Variants in ATP8A2 observed in about 807,000 individuals in gnomAD.
ATP8A2 encodes the protein ATPase phospholipid transporting 8A2, also known as phospholipid-transporting ATPase IB.
In ATP8A2, 100 loss-of-function variants were observed where a neutral mutation model predicts 165.6. That is an observed-to-expected ratio of 0.60 (90% CI 0.51 to 0.71). The LOEUF (loss-of-function observed/expected upper bound fraction) is 0.71. ATP8A2 is among the 30% of genes least tolerant of loss of function. The pLI, the probability that ATP8A2 is intolerant of heterozygous loss-of-function variation, is 0.00. For synonymous variants in ATP8A2, 543 were observed against 548.8 expected (o/e 0.99, Z 0.15); for missense variants, 1,227 against 1,479.5 (o/e 0.83, Z 2.80).
At chr13:25,521,035 CCTGT>C (rs949921314) in intron 2 of ATP8A2, among the ~76,000 whole-genome samples, 1 of 152,106 alleles carries the variant, frequency 6.6e-6, no homozygotes, top group African/African-American at 2.4e-5. Flanking sequence ...TTCAATCTTC[CCTGT>C]CTTTTTTATA....
At chr13:25,616,076 C>T (rs2040815472) in intron 24 of ATP8A2, among the ~76,000 whole-genome samples, 1 of 152,090 alleles carries the variant, frequency 6.6e-6, no homozygotes, top group African/African-American at 2.4e-5. Flanking sequence ...GTGATTTTCT[C>T]CTATACCCCA....
intron 33 of ATP8A2, among the ~76,000 whole-genome samples, chr13:25,900,857 T>C (rs912341860): frequency 2.1e-4 from 32 of 152,220 alleles, no homozygotes; most frequent in Admixed American, 2.1e-3. Context: ...GAAGAGGGGC[T>C]TGTGGAGAAA....
At chr13:25,463,054 C>T (rs1037092539) in intron 1 of ATP8A2, among the ~76,000 whole-genome samples, 2 of 146,828 alleles carry the variant, frequency 1.4e-5, no homozygotes, top group Non-Finnish European at 3.0e-5. Flanking sequence ...GTGTGACTGG[C>T]GTTGGGAGGA....
At chr13:25,870,874 C>T (rs1443973691) in intron 33 of ATP8A2, among the ~76,000 whole-genome samples, 1 of 152,174 alleles carries the variant, frequency 6.6e-6, no homozygotes, top group Non-Finnish European at 1.5e-5. Context: ...AATAAGCAGA[C>T]TTTGTGTTTG....
chr13:25,553,857 T>G lies in ATP8A2; in HGVS notation c.1122T>G (p.Ile374Met), dbSNP rs372413444. Residue 374 changes from isoleucine to methionine, a missense_variant, in exon 12 of 37, where the codon ATT becomes ATG. Ile to Met is a conservative substitution (Grantham distance 10). This residue lies in a region of ATP8A2 where 592 missense variants were observed against 785.6 expected (regional missense o/e 0.75). Coordinates refer to ENST00000381655, the MANE Select transcript of ATP8A2 (RefSeq NM_016529.6). Reference protein sequence around the residue: ...LTFIILYNNLIPISLLVTLEV... With the variant: ...LTFIILYNNLMPISLLVTLEV... ...TCATCATCTTATACAACAATCTTAT[T>G]CCCATCAGTCTGTTGGTGACTCTTG... The G allele has an allele frequency of 2.5e-6, 4 of 1,612,766 alleles. No individual in the cohort carries two copies. The highest frequency in any genetic ancestry group is 1.3e-5 in the African/African-American group (1 of 74,896).
intron 25 of ATP8A2, among the ~76,000 whole-genome samples, chr13:25,723,789 G>A (rs941093786): frequency 1.3e-5 from 2 of 152,066 alleles, no homozygotes; most frequent in Non-Finnish European, 2.9e-5. Context: ...ACTGCAGCTG[G>A]AATGAGTTTT....
chr13:25,565,008 A>G (rs576755774), intron 16 of ATP8A2, among the ~76,000 whole-genome samples: 33 of 152,186 alleles, frequency 2.2e-4, no homozygotes, highest in Non-Finnish European at 3.8e-4. Context: ...ATAGTCTCCA[A>G]TCTCATCCAG....
chr13:25,875,848 T>C (rs1566227507), intron 33 of ATP8A2, among the ~76,000 whole-genome samples: 1 of 152,224 alleles, frequency 6.6e-6, no homozygotes, highest in African/African-American at 2.4e-5. Flanking sequence ...GAAATTAAGA[T>C]GGGTATTTTT....
chr13:25,556,525 G>A (rs534272106), intron 13 of ATP8A2, among the ~76,000 whole-genome samples: 23 of 152,138 alleles, frequency 1.5e-4, no homozygotes, highest in Non-Finnish European at 3.4e-4. Flanking sequence ...ACCTTTGTCG[G>A]ATGTATAATT....
intron 24 of ATP8A2, among the ~76,000 whole-genome samples, chr13:25,643,937 C>T (rs2041604134): frequency 6.6e-6 from 1 of 151,518 alleles, no homozygotes; most frequent in South Asian, 2.1e-4. Flanking sequence ...CTTTCTTTAA[C>T]ATTTTATAGT....
intron 1 of ATP8A2, among the ~76,000 whole-genome samples, chr13:25,433,616 G>C (rs2034674199): frequency 6.6e-6 from 1 of 152,168 alleles, no homozygotes; most frequent in Admixed American, 6.5e-5. Context: ...ACGGAAGTGA[G>C]TGCACATACT....
intron 16 of ATP8A2, among the ~76,000 whole-genome samples, chr13:25,566,470 G>A (rs1464729650): frequency 6.6e-6 from 1 of 152,160 alleles, no homozygotes; most frequent in Non-Finnish European, 1.5e-5. Context: ...TCAGGTTGAG[G>A]GTAACCACAA....
chr13:25,906,979 C>T (rs1593538974), intron 33 of ATP8A2, among the ~76,000 whole-genome samples: 1 of 152,336 alleles, frequency 6.6e-6, no homozygotes, highest in East Asian at 1.9e-4. Flanking sequence ...CCTGTAATCC[C>T]AGCACTTTGG....
intron 30 of ATP8A2, among the ~76,000 whole-genome samples, chr13:25,849,358 A>T (rs1397674427): frequency 1.3e-5 from 2 of 152,150 alleles, no homozygotes; most frequent in Non-Finnish European, 2.9e-5. Flanking sequence ...ATTGTCTTGA[A>T]ATTTTGCCTT....
chr13:25,527,080 T>G (rs1322966669), intron 2 of ATP8A2, among the ~76,000 whole-genome samples: 1 of 152,154 alleles, frequency 6.6e-6, no homozygotes, highest in Non-Finnish European at 1.5e-5. Context: ...CATATTCTAG[T>G]TTTGGGATAT....
chr13:25,482,620 C>T (rs568023971), intron 2 of ATP8A2, among the ~76,000 whole-genome samples: 2 of 152,102 alleles, frequency 1.3e-5, no homozygotes, highest in African/African-American at 2.4e-5. Flanking sequence ...GGTCCCTACC[C>T]AAATCTCATC....
intron 1 of ATP8A2, among the ~76,000 whole-genome samples, chr13:25,443,358 G>A (rs534633535): frequency 9.2e-5 from 14 of 152,160 alleles, no homozygotes; most frequent in Non-Finnish European, 1.8e-4. Flanking sequence ...AAGGGTAAAC[G>A]TGAGCTTTGT....
chr13:25,375,877 C>CA (rs1467501830), intron 1 of ATP8A2, among the ~76,000 whole-genome samples: 1 of 152,116 alleles, frequency 6.6e-6, no homozygotes, highest in Non-Finnish European at 1.5e-5. Flanking sequence ...ACCAGGACTA[C>CA]AAACCTTCTA....
chr13:25,559,238 A>G (rs1437666995), intron 14 of ATP8A2, among the ~76,000 whole-genome samples, 177 bp downstream of exon 14: 1 of 152,232 alleles, frequency 6.6e-6, no homozygotes, highest in Admixed American at 6.5e-5. Flanking sequence ...CAGTTAAAAC[A>G]TGGTTTATTT....
Sources: gnomAD v4.1 joint callset for allele counts (sites outside exome capture counted in the v4.1 genomes callset) on GRCh38, gnomAD v4.1.1 for gene constraint, gnomAD v4.1.1 regional missense constraint, MANE v1.5 for transcripts, NCBI Gene and HGNC (gene_info 2026-07-23, HGNC 2026-07-21) for gene names.